LUZP2: variants seen among roughly 807,000 people sequenced by gnomAD.
The protein encoded by LUZP2 is leucine zipper protein 2.
A neutral mutation model predicts 51.6 loss-of-function variants in LUZP2; 52 were observed. That is an observed-to-expected ratio of 1.01 (90% CI 0.81 to 1.27). LUZP2 has a LOEUF of 1.27. Ranked by LOEUF, LUZP2 falls within the 50% of genes most tolerant of loss-of-function variation. LUZP2 has a pLI of 0.00. For missense variants in LUZP2, 436 were observed against 395.4 expected (o/e 1.10, Z -0.87); for synonymous variants, 154 against 137.3 (o/e 1.12, Z -0.85).
At chr11:24,661,853 A>C (rs1856032603) in intron 1 of LUZP2, among the ~76,000 whole-genome samples, 1 of 152,182 alleles carries the variant, frequency 6.6e-6, no homozygotes, top group South Asian at 2.1e-4. Flanking sequence ...TTAAAAAATA[A>C]TGTTAATGCT....
intron 5 of LUZP2, among the ~76,000 whole-genome samples, chr11:24,842,525 A>T (rs1851067357): frequency 6.6e-6 from 1 of 151,870 alleles, no homozygotes; most frequent in African/African-American, 2.4e-5. Flanking sequence ...GCAAATGTTG[A>T]CCTCTGTACT....
intron 1 of LUZP2, among the ~76,000 whole-genome samples, chr11:24,513,350 A>G (rs767309727): frequency 1.1e-4 from 16 of 152,326 alleles, no homozygotes; most frequent in South Asian, 2.1e-4. Flanking sequence ...GAGTCATATG[A>G]TGGTTAGCCT....
At chr11:24,953,288 A>G (rs1855127352) in intron 7 of LUZP2, among the ~76,000 whole-genome samples, 1 of 151,948 alleles carries the variant, frequency 6.6e-6, no homozygotes, top group Non-Finnish European at 1.5e-5. Flanking sequence ...TAGCCTTCAA[A>G]TGGCAGAAAG....
At position 24,790,389 on chromosome 11, in the gene LUZP2, T is replaced by C. The variant is rs562099538; in HGVS notation, c.396+27081T>C. Among the ~76,000 whole-genome samples, 8 of 152,334 alleles carry C rather than the reference T, an allele frequency of 5.3e-5. No homozygotes were observed. The East Asian group carries it at 1.5e-3, about 29-fold the overall frequency. On this transcript the variant is annotated intron_variant, in intron 5 of 11. Coordinates refer to ENST00000336930, the MANE Select transcript of LUZP2 (RefSeq NM_001009909.4). ...TAGCAGTATTTGAAACAGTTGACTA[T>C]GCTCACATTTTTTAAACGCTTGCTT...
chr11:24,957,841 T>C (rs886134452), intron 7 of LUZP2, among the ~76,000 whole-genome samples: 1 of 152,110 alleles, frequency 6.6e-6, no homozygotes, highest in Non-Finnish European at 1.5e-5. Context: ...GCCATGCTGG[T>C]GCACTGCACC....
At chr11:24,600,327 A>G (rs1853584939) in intron 1 of LUZP2, among the ~76,000 whole-genome samples, 1 of 152,070 alleles carries the variant, frequency 6.6e-6, no homozygotes, top group Non-Finnish European at 1.5e-5. Context: ...AGAAACACCA[A>G]GGAATGCTGG....
intron 1 of LUZP2, among the ~76,000 whole-genome samples, chr11:24,665,202 T>C (rs2133990356): frequency 6.6e-6 from 1 of 152,080 alleles, no homozygotes; most frequent in African/African-American, 2.4e-5. Flanking sequence ...ATTTAATGAC[T>C]GCCTTATTGG....
At chr11:25,018,077 G>A (rs1857214080) in intron 9 of LUZP2, among the ~76,000 whole-genome samples, 1 of 113,774 alleles carries the variant, frequency 8.8e-6, no homozygotes, top group Non-Finnish European at 2.0e-5. Context: ...TTTTAAAAAG[G>A]ATTGAGTTCT....
chr11:24,981,855 T>G (rs1247776035), intron 8 of LUZP2, among the ~76,000 whole-genome samples: 1 of 151,926 alleles, frequency 6.6e-6, no homozygotes, highest in Non-Finnish European at 1.5e-5. Flanking sequence ...ATTTGCAAAG[T>G]ATGCATCTGA....
chr11:24,868,823 C>A lies in LUZP2; in HGVS notation c.397-37168C>A, dbSNP rs76062050. Among the ~76,000 whole-genome samples, 228 of 152,182 alleles carry A rather than the reference C, an allele frequency of 1.5e-3. 4 individuals carry two copies. The East Asian group carries it at 0.032, about 21-fold the overall frequency. ...ACTCTTGCTATATACGGACTCATCC[C>A]AAGCACATTTACATAATCCATATCA... On this transcript the variant is annotated intron_variant, in intron 5 of 11. Transcript: ENST00000336930.
At position 24,738,241 on chromosome 11, in the gene LUZP2, A is replaced by T. The variant is rs1469002981; in HGVS notation, c.272A>T (p.Gln91Leu). 17 of 1,611,444 alleles carry T rather than the reference A, an allele frequency of 1.1e-5. No individual in the cohort carries two copies. Among genetic ancestry groups the T allele is most frequent in the Non-Finnish European group, 1.4e-5 (16 of 1,178,130 alleles). Residue 91 changes from glutamine (Q) to leucine (L), a missense_variant, in exon 4 of 12, where the codon CAG becomes CTG. Coordinates refer to ENST00000336930, the MANE Select transcript of LUZP2 (RefSeq NM_001009909.4). ...QKQREEMKSL[Q>L]EALQNQLKET... ...AATAGAGAAGAAATGAAGTCTCTTC[A>T]GGAGGCCCTGCAAAATCAGCTTAAG...
At chr11:24,969,564 G>C (rs531327041) in intron 7 of LUZP2, among the ~76,000 whole-genome samples, 30 of 152,146 alleles carry the variant, frequency 2.0e-4, no homozygotes, top group Non-Finnish European at 4.0e-4. Flanking sequence ...ATATTACTCT[G>C]CAAAGAGAAA....
At position 24,895,451 on chromosome 11, in the gene LUZP2, G is replaced by C. The variant is rs943969201; in HGVS notation, c.397-10540G>C. ...CTCATGATTCTGAGGTTTGGAGCAT[G>C]AATGCTATCACCCAGGTACTGAGTA... is the stretch of plus-strand genomic sequence containing the variant. On this transcript the variant is annotated intron_variant, in intron 5 of 11. Coordinates refer to ENST00000336930, the MANE Select transcript of LUZP2 (RefSeq NM_001009909.4). Among the ~76,000 whole-genome samples, 3 of 152,196 alleles carry C rather than the reference G, an allele frequency of 2.0e-5. No homozygotes were observed. The East Asian group carries it at 5.8e-4, about 29-fold the overall frequency.
At position 24,611,213 on chromosome 11, in the gene LUZP2, G is replaced by T. The variant is rs1854106693; in HGVS notation, c.62+113908G>T. ...TAGTCAACTTTTACTTTGTGCCGAG[G>T]TTGTGCTAGCTACTAAGACTGTAAT... is the stretch of plus-strand genomic sequence containing the variant. On this transcript the variant is annotated intron_variant, in intron 1 of 11. Transcript: ENST00000336930. This position sits in a 1 kb window ranked among gnomAD's most constrained non-coding sequence, Gnocchi z 4.6. Among the ~76,000 whole-genome samples the T allele has an allele frequency of 1.3e-5, 2 of 151,978 alleles. No individual in the cohort carries two copies. Among genetic ancestry groups the T allele is most frequent in the African/African-American group, 4.8e-5 (2 of 41,362 alleles).
At chr11:24,955,392 A>T (rs958222938) in intron 7 of LUZP2, among the ~76,000 whole-genome samples, 8 of 151,928 alleles carry the variant, frequency 5.3e-5, no homozygotes, top group Admixed American at 1.3e-4. Context: ...AGAGAGAAGG[A>T]TGTCTTTTAT....
intron 4 of LUZP2, among the ~76,000 whole-genome samples, chr11:24,741,875 A>G (rs1011973939): frequency 3.0e-5 from 4 of 133,942 alleles, no homozygotes; most frequent in African/African-American, 6.2e-5. Flanking sequence ...ATATATATTT[A>G]TAAATATATA....
At chr11:24,826,190 A>ATATATATAT (rs1554916354) in intron 5 of LUZP2, among the ~76,000 whole-genome samples, 77 of 67,548 alleles carry the variant, frequency 1.1e-3, no homozygotes, top group Non-Finnish European at 1.5e-3. Context: ...AAAAAAAAAA[A>ATATATATAT]ATATATATAT....
intron 7 of LUZP2, among the ~76,000 whole-genome samples, chr11:24,972,449 G>A (rs1163136828): frequency 6.6e-6 from 1 of 152,034 alleles, no homozygotes; most frequent in African/African-American, 2.4e-5. Context: ...GAAGCATGGG[G>A]AGATTAAATA....
chr11:24,838,542 G>A lies in LUZP2; in HGVS notation c.397-67449G>A, dbSNP rs144009109. ...GCAAAAACCTCATATATTGTACGCCGTGGGAGTAATAACGTAGCATTTGAC... is the reference window on the plus strand; with the variant it reads ...GCAAAAACCTCATATATTGTACGCCATGGGAGTAATAACGTAGCATTTGAC... On this transcript the variant is annotated intron_variant, in intron 5 of 11. Transcript: ENST00000336930. 3.6e-4 allele frequency among the ~76,000 whole-genome samples: 54 copies of A among 151,736 alleles called. 1 individual carries two copies. The East Asian group carries it at 6.0e-3, about 17-fold the overall frequency.
Sources: gnomAD v4.1 joint callset for allele counts (sites outside exome capture counted in the v4.1 genomes callset) on GRCh38, gnomAD v4.1.1 for gene constraint, Gnocchi (gnomAD v3.1) non-coding constraint, MANE v1.5 for transcripts, NCBI Gene and HGNC (gene_info 2026-07-23, HGNC 2026-07-21) for gene names.